Variants in ARB2A observed in about 807,000 individuals in gnomAD.
The protein encoded by ARB2A is ARB2 cotranscriptional regulator A.
the ARB2A span, among the ~76,000 whole-genome samples, chr5:93,853,466 T>C: frequency 5.3e-5 from 8 of 152,320 alleles, no homozygotes; most frequent in South Asian, 2.1e-4. Flanking sequence ...TCCTGCCTAA[T>C]TGCCCTGGCC....
At chr5:93,792,886 G>C in the ARB2A span, among the ~76,000 whole-genome samples, 1 of 151,896 alleles carries the variant, frequency 6.6e-6, no homozygotes, top group South Asian at 2.1e-4. Flanking sequence ...ACATTCCACA[G>C]AGACCCTTCA....
the ARB2A span, among the ~76,000 whole-genome samples, chr5:93,785,363 T>A: frequency 6.6e-6 from 1 of 152,186 alleles, no homozygotes; most frequent in African/African-American, 2.4e-5. Context: ...AATGTTCTTT[T>A]TTTTGCTTCA....
At chr5:93,673,845 A>AT in the ARB2A span, among the ~76,000 whole-genome samples, 45 of 152,264 alleles carry the variant, frequency 3.0e-4, no homozygotes, top group Admixed American at 9.2e-4. Context: ...GCCAGAACAT[A>AT]TTTTTTTAAT....
chr5:93,635,912 T>C, the ARB2A span, among the ~76,000 whole-genome samples: 4 of 152,228 alleles, frequency 2.6e-5, no homozygotes, highest in East Asian at 1.9e-4. Flanking sequence ...GTTTGTTGTA[T>C]AAACAGGTTT....
the ARB2A span, among the ~76,000 whole-genome samples, chr5:93,905,412 T>G: frequency 1.6e-4 from 24 of 151,756 alleles, no homozygotes; most frequent in African/African-American, 5.5e-4. Context: ...GCAAAGACAT[T>G]TTCTGTAACT....
chr5:93,747,193 G>A, the ARB2A span, among the ~76,000 whole-genome samples: 1 of 152,156 alleles, frequency 6.6e-6, no homozygotes, highest in Non-Finnish European at 1.5e-5. Context: ...ACTCAGAGAA[G>A]TACATGAGAA....
chr5:94,000,263 T>C, the ARB2A span, among the ~76,000 whole-genome samples: 1 of 152,042 alleles, frequency 6.6e-6, no homozygotes, highest in Non-Finnish European at 1.5e-5. Context: ...GGCTGAAACA[T>C]TTTGCATTCT....
chr5:93,970,274 G>C, the ARB2A span, among the ~76,000 whole-genome samples: 1 of 152,022 alleles, frequency 6.6e-6, no homozygotes, highest in Non-Finnish European at 1.5e-5. Flanking sequence ...TAAATGCTAA[G>C]AGAATCCTGA....
At chr5:94,044,695 C>A in the ARB2A span, among the ~76,000 whole-genome samples, 2 of 151,994 alleles carry the variant, frequency 1.3e-5, no homozygotes, top group African/African-American at 4.8e-5. Flanking sequence ...CAGGATGAAA[C>A]AGGAGGTCGG....
the ARB2A span, among the ~76,000 whole-genome samples, chr5:93,844,393 G>C: frequency 6.6e-6 from 1 of 151,912 alleles, no homozygotes; most frequent in South Asian, 2.1e-4. Context: ...GCAGTGAGCT[G>C]AGATGGGACC....
At chr5:93,847,611 T>G in the ARB2A span, among the ~76,000 whole-genome samples, 1 of 152,230 alleles carries the variant, frequency 6.6e-6, no homozygotes, top group Non-Finnish European at 1.5e-5. Flanking sequence ...TTGTTACTAC[T>G]AATTATTATA....
At chr5:93,949,668 T>C in the ARB2A span, among the ~76,000 whole-genome samples, 26 of 152,088 alleles carry the variant, frequency 1.7e-4, no homozygotes, top group African/African-American at 5.8e-4. Context: ...ACTCTTTCAG[T>C]TCTTTTTAAA....
At chr5:94,068,431 C>T in the ARB2A span, among the ~76,000 whole-genome samples, 1 of 152,160 alleles carries the variant, frequency 6.6e-6, no homozygotes, top group Non-Finnish European at 1.5e-5. Flanking sequence ...GAAAGCTCAG[C>T]TCGAGCAGTA....
chr5:94,091,091 G>A, the ARB2A span, among the ~76,000 whole-genome samples: 4 of 152,216 alleles, frequency 2.6e-5, no homozygotes, highest in African/African-American at 7.2e-5. Flanking sequence ...GAAAGAGAAA[G>A]GAAGTGGACG....
chr5:93,972,231 C>T, the ARB2A span, among the ~76,000 whole-genome samples: 1 of 152,094 alleles, frequency 6.6e-6, no homozygotes, highest in Non-Finnish European at 1.5e-5. Flanking sequence ...TTAAGTGCTA[C>T]CTACTGACTG....
the ARB2A span, among the ~76,000 whole-genome samples, chr5:93,679,845 T>C: frequency 3.5e-4 from 54 of 152,240 alleles, no homozygotes; most frequent in East Asian, 0.01. Flanking sequence ...GATACATAAC[T>C]CAATTTAGAG....
chr5:94,079,918 T>C, the ARB2A span, among the ~76,000 whole-genome samples: 1 of 152,156 alleles, frequency 6.6e-6, no homozygotes, highest in Non-Finnish European at 1.5e-5. Flanking sequence ...TCTGTTTAGG[T>C]ATTGCATTGC....
the ARB2A span, among the ~76,000 whole-genome samples, chr5:93,833,078 T>C: frequency 1.4e-4 from 21 of 152,346 alleles, no homozygotes; most frequent in East Asian, 3.7e-3. Context: ...CCATCAGCCA[T>C]GGTAGCTTAA....
the ARB2A span, among the ~76,000 whole-genome samples, chr5:94,104,702 AG>A: frequency 1.3e-5 from 2 of 152,108 alleles, no homozygotes; most frequent in South Asian, 4.1e-4. Context: ...CAACGAAAAA[AG>A]AAAACTTTAG....
Sources: gnomAD v4.1 joint callset for allele counts (sites outside exome capture counted in the v4.1 genomes callset) on GRCh38, gnomAD v4.1.1 for gene constraint, MANE v1.5 for transcripts, NCBI Gene and HGNC (gene_info 2026-07-23, HGNC 2026-07-21) for gene names.